The following SNTB1 variants were observed in gnomAD, a reference collection of about 807,000 sequenced individuals.
SNTB1 encodes the protein syntrophin beta 1.
Under a neutral mutation model 48.9 loss-of-function variants are expected in SNTB1, and 36 were observed. The observed-to-expected ratio is 0.74, with a 90% confidence interval of 0.56 to 0.97. SNTB1 has a LOEUF of 0.97. SNTB1 is among the 50% of genes least tolerant of loss of function. The pLI, the probability that SNTB1 is intolerant of heterozygous loss-of-function variation, is 0.00. For synonymous variants in SNTB1, 299 were observed against 294.6 expected (o/e 1.01, Z -0.15); for missense variants, 786 against 703.4 (o/e 1.12, Z -1.33).
At position 120,811,646 on chromosome 8, in the gene SNTB1, G is replaced by A. The variant is rs140508976; in HGVS notation, c.198C>T (p.Gly66=). 1.9e-6 allele frequency: 3 copies of A among 1,594,068 alleles called. No homozygotes were observed. In the African/African-American group the frequency reaches 4.2e-5, roughly 22 times the overall value. Residue 66 remains glycine, a synonymous_variant, in exon 1 of 7, where the codon GGC becomes GGT. Transcript: ENST00000517992. ...AYNGIGTATN[G]SFCRGAGAGH... is the part of the protein sequence containing the mutation. ...CAGCCCCGGCGCCCCTGCAGAACGA[G>A]CCATTGGTGGCGGTCCCGATGCCGT...
chr8:120,773,178 T>C (rs1439634580), intron 1 of SNTB1, among the ~76,000 whole-genome samples: 3 of 152,034 alleles, frequency 2.0e-5, no homozygotes, highest in Non-Finnish European at 4.4e-5. Flanking sequence ...CTTGGGGTAA[T>C]ATGGAGGAAA....
At chr8:120,763,745 T>A (rs1176371381) in intron 1 of SNTB1, among the ~76,000 whole-genome samples, 1 of 145,208 alleles carries the variant, frequency 6.9e-6, no homozygotes, top group African/African-American at 2.9e-5. Context: ...AAATAGAAAT[T>A]TTTTTTAGCT....
At chr8:120,651,337 A>G (rs1817407959) in intron 2 of SNTB1, among the ~76,000 whole-genome samples, 1 of 152,214 alleles carries the variant, frequency 6.6e-6, no homozygotes, top group African/African-American at 2.4e-5. Context: ...TTTGCAAGAT[A>G]CTGAAAGATT....
At chr8:120,573,390 A>C (rs945926784) in intron 4 of SNTB1, among the ~76,000 whole-genome samples, 16 of 81,454 alleles carry the variant, frequency 2.0e-4, no homozygotes, top group Admixed American at 9.2e-4. Flanking sequence ...TTCTTTTTGA[A>C]TCAGTTTTCT....
chr8:120,761,695 A>G (rs1255586947), intron 1 of SNTB1, among the ~76,000 whole-genome samples: 5 of 152,214 alleles, frequency 3.3e-5, no homozygotes. Context: ...CCATATACAT[A>G]TGGGGTGATC....
chr8:120,677,328 C>T (rs1817853797), intron 2 of SNTB1, among the ~76,000 whole-genome samples: 1 of 152,186 alleles, frequency 6.6e-6, no homozygotes. Flanking sequence ...AAAGCTTCTA[C>T]ACTTTCTTAG....
chr8:120,615,290 C>T (rs1445971546), intron 3 of SNTB1, among the ~76,000 whole-genome samples: 1 of 152,156 alleles, frequency 6.6e-6, no homozygotes, highest in Non-Finnish European at 1.5e-5. Context: ...AACTCATTAG[C>T]TGCCCATTAG....
At chr8:120,793,685 T>C (rs1024090710) in intron 1 of SNTB1, among the ~76,000 whole-genome samples, 1 of 152,000 alleles carries the variant, frequency 6.6e-6, no homozygotes, top group African/African-American at 2.4e-5. Flanking sequence ...GATCAGCCTA[T>C]TAAACTTAAA....
intron 1 of SNTB1, among the ~76,000 whole-genome samples, chr8:120,771,707 C>A (rs1238819232): frequency 6.7e-6 from 1 of 149,912 alleles, no homozygotes; most frequent in Non-Finnish European, 1.5e-5. Flanking sequence ...GAAACTTAAA[C>A]CCAAACAGAG....
At chr8:120,695,180 A>C (rs1234108336) in intron 1 of SNTB1, among the ~76,000 whole-genome samples, 1 of 152,216 alleles carries the variant, frequency 6.6e-6, no homozygotes, top group Non-Finnish European at 1.5e-5. Context: ...GTTTGTTATT[A>C]CAAATGGCAG....
At chr8:120,789,335 G>C (rs930760956) in intron 1 of SNTB1, among the ~76,000 whole-genome samples, 5 of 145,890 alleles carry the variant, frequency 3.4e-5, no homozygotes, top group Non-Finnish European at 7.6e-5. Context: ...CAAGGAAGTA[G>C]AAAAAAAAAG....
At chr8:120,694,295 C>T (rs989824231) in intron 1 of SNTB1, among the ~76,000 whole-genome samples, 4 of 152,056 alleles carry the variant, frequency 2.6e-5, no homozygotes, top group African/African-American at 9.7e-5. Flanking sequence ...ATATGGCAGC[C>T]ACATTCATTA....
At chr8:120,746,135 T>C (rs1418641641) in intron 1 of SNTB1, among the ~76,000 whole-genome samples, 1 of 152,216 alleles carries the variant, frequency 6.6e-6, no homozygotes, top group Non-Finnish European at 1.5e-5. Context: ...ACTTGGACTT[T>C]CTTTCATCTC....
intron 2 of SNTB1, among the ~76,000 whole-genome samples, chr8:120,685,294 G>A (rs545316464): frequency 6.6e-6 from 1 of 152,216 alleles, no homozygotes; most frequent in Non-Finnish European, 1.5e-5. Context: ...GTTCTCTTTG[G>A]TGGTCCCACC....
At chr8:120,570,986 C>T (rs1311036395) in intron 4 of SNTB1, 2 of 244,892 alleles carry the variant, frequency 8.2e-6, no homozygotes, top group Non-Finnish European at 7.9e-6. Flanking sequence ...ACACTTTGTT[C>T]CAGATAATGC....
intron 3 of SNTB1, among the ~76,000 whole-genome samples, chr8:120,619,314 G>T (rs193236174): frequency 0.011 from 1,696 of 150,954 alleles, 21 homozygotes; most frequent in Admixed American, 0.022. Flanking sequence ...TATATATAGA[G>T]AGAGAGAGAG....
At chr8:120,560,799 T>G (rs1268808059) in intron 4 of SNTB1, among the ~76,000 whole-genome samples, 1 of 152,188 alleles carries the variant, frequency 6.6e-6, no homozygotes, top group African/African-American at 2.4e-5. Context: ...TGAAAGGTTG[T>G]GTGGATGCAT....
Position 120,741,847 on chromosome 8 carries a change from A to G in SNTB1, c.572-47939T>C, listed in dbSNP as rs563158534. On this transcript the variant is annotated intron_variant, in intron 1 of 6. Transcript: ENST00000517992. ...AAAAAGAAAAAGAAGGAGAAGAAGG[A>G]GAAATAGAGAAGGAAGAGGAGAAAG... Among the ~76,000 whole-genome samples, 5 of 152,328 alleles carry G rather than the reference A, an allele frequency of 3.3e-5. No individual in the cohort carries two copies. In the East Asian group the frequency reaches 9.6e-4, roughly 29 times the overall value.
At chr8:120,793,118 C>T (rs1820064135) in intron 1 of SNTB1, among the ~76,000 whole-genome samples, 1 of 151,640 alleles carries the variant, frequency 6.6e-6, no homozygotes, top group African/African-American at 2.4e-5. Flanking sequence ...GGAGATGCAA[C>T]TGGGATGGAA....
Sources: gnomAD v4.1 joint callset for allele counts (sites outside exome capture counted in the v4.1 genomes callset) on GRCh38, gnomAD v4.1.1 for gene constraint, MANE v1.5 for transcripts, NCBI Gene and HGNC (gene_info 2026-07-23, HGNC 2026-07-21) for gene names.